PRH1: variants seen among roughly 807,000 people sequenced by gnomAD.
PRH1 encodes proline rich protein HaeIII subfamily 1.
PRH1 carries 7 observed loss-of-function variants against 7.9 expected under a neutral mutation model. The ratio of observed to expected loss-of-function variants is 0.89; its 90% confidence interval spans 0.50 to 1.67. The LOEUF (loss-of-function observed/expected upper bound fraction) is 1.67. Among genes scored for constraint, PRH1 ranks in the 40% most tolerant of loss-of-function variants. The probability of loss-of-function intolerance (pLI) is 0.00; values close to 1 mark genes in which losing one functional copy is unlikely to be tolerated. For missense variants in PRH1, 109 were observed against 223.6 expected (o/e 0.49, Z 3.27); for synonymous variants, 45 against 80.8 (o/e 0.56, Z 2.38).
upstream of PRH1, chr12:11,049,265 AAATG>A (rs1246496403): frequency 0.013 from 9,423 of 733,478 alleles, no homozygotes; most frequent in Non-Finnish European, 0.014. Context: ...ATGTTTGAAC[AAATG>A]AAAAGAAAGA....
At chr12:10,980,940 T>C (rs949289048) in intron 1 of PRH1, among the ~76,000 whole-genome samples, 14 of 152,334 alleles carry the variant, frequency 9.2e-5, no homozygotes, top group Middle Eastern at 3.4e-3. Flanking sequence ...AACAGCCTTA[T>C]TGAAATGGGT....
intron 2 of PRH1, chr12:10,896,722 A>ACT (rs1189615024): frequency 6.8e-6 from 1 of 146,216 alleles, no homozygotes. Context: ...AGATCACACT[A>ACT]CTGCACTCCA....
chr12:11,115,480 A>T (rs1295002935), intron 1 of PRH1, among the ~76,000 whole-genome samples: 2 of 152,206 alleles, frequency 1.3e-5, no homozygotes, highest in Admixed American at 1.3e-4. Flanking sequence ...TTTCAGCATC[A>T]GACAGATCCT....
At chr12:10,976,944 G>C (rs1351376802) in intron 1 of PRH1, among the ~76,000 whole-genome samples, 1 of 151,954 alleles carries the variant, frequency 6.6e-6, no homozygotes, top group Non-Finnish European at 1.5e-5. Context: ...ACCAAAAAAA[G>C]CCCAGGACCA....
chr12:10,975,114 G>A (rs980522887), intron 1 of PRH1, among the ~76,000 whole-genome samples: 1 of 152,022 alleles, frequency 6.6e-6, no homozygotes, highest in African/African-American at 2.4e-5. Flanking sequence ...AAGGCACATA[G>A]TCATCAGCTT....
At chr12:10,967,360 C>G (rs1938557529) in intron 2 of PRH1, among the ~76,000 whole-genome samples, 1 of 152,090 alleles carries the variant, frequency 6.6e-6, no homozygotes, top group Admixed American at 6.6e-5. Context: ...ATAATGCACA[C>G]TTAGAAATGA....
chr12:11,022,129 G>T, intron 1 of PRH1: 1 of 1,613,820 alleles, frequency 6.2e-7, no homozygotes, highest in Non-Finnish European at 8.5e-7. Context: ...CTCATCCATG[G>T]TTATCACAGC....
chr12:10,938,262 A>T, intron 2 of PRH1: 3 of 1,581,460 alleles, frequency 1.9e-6, no homozygotes, highest in Non-Finnish European at 2.6e-6. Flanking sequence ...ATTCAAGATG[A>T]TTCTCTAAAT....
chr12:11,009,812 T>C (rs73053785), intron 1 of PRH1, among the ~76,000 whole-genome samples: 19,582 of 151,944 alleles, frequency 0.13, 1,398 homozygotes, highest in Non-Finnish European at 0.15. Flanking sequence ...GCAATTCCAA[T>C]AAATAAAAAA....
At chr12:11,126,228 C>T (rs1946123830) in intron 1 of PRH1, among the ~76,000 whole-genome samples, 1 of 152,252 alleles carries the variant, frequency 6.6e-6, no homozygotes, top group Non-Finnish European at 1.5e-5. Context: ...CTTTTGTTTC[C>T]TCCGTCCCTA....
chr12:11,126,552 T>A (rs1045146527), intron 1 of PRH1, among the ~76,000 whole-genome samples: 1 of 152,218 alleles, frequency 6.6e-6, no homozygotes, highest in African/African-American at 2.4e-5. Flanking sequence ...ACTTGTCAAC[T>A]TTAGCAATTA....
At chr12:10,908,819 T>A (rs894927278) in intron 2 of PRH1, 7 of 1,613,824 alleles carry the variant, frequency 4.3e-6, no homozygotes, top group Admixed American at 1.7e-5. Context: ...TTGTGTTTCT[T>A]TCATATCGGT....
intron 2 of PRH1, among the ~76,000 whole-genome samples, chr12:10,907,272 T>A (rs1949817922): frequency 6.6e-6 from 1 of 152,174 alleles, no homozygotes; most frequent in South Asian, 2.1e-4. Flanking sequence ...AAATTGTATA[T>A]CCAGAAGAAG....
At chr12:10,962,907 C>T (rs1938313870) in intron 2 of PRH1, among the ~76,000 whole-genome samples, 1 of 152,160 alleles carries the variant, frequency 6.6e-6, no homozygotes, top group African/African-American at 2.4e-5. Context: ...GTAGCTGGGA[C>T]TACAGGCTCC....
intron 1 of PRH1, chr12:11,031,542 G>A (rs1591849070): frequency 1.8e-6 from 1 of 550,614 alleles, no homozygotes; most frequent in East Asian, 3.2e-5. Flanking sequence ...CTTCCACCGG[G>A]AGGAAGGCGA....
intron 1 of PRH1, among the ~76,000 whole-genome samples, chr12:11,157,081 C>T (rs142547027): frequency 1.3e-4 from 20 of 152,086 alleles, no homozygotes; most frequent in African/African-American, 4.6e-4. Context: ...CTCCTGACCT[C>T]GTGATCTGCC....
At chr12:10,934,590 T>C (rs1239953228) in intron 2 of PRH1, among the ~76,000 whole-genome samples, 2 of 151,582 alleles carry the variant, frequency 1.3e-5, no homozygotes, top group Non-Finnish European at 2.9e-5. Context: ...TACATACTTA[T>C]TAATTGGATG....
At chr12:11,155,989 C>A (rs181474797) in intron 1 of PRH1, among the ~76,000 whole-genome samples, 2 of 152,142 alleles carry the variant, frequency 1.3e-5, no homozygotes, top group Non-Finnish European at 2.9e-5. Flanking sequence ...TTATTCATTA[C>A]CTCTTTTAAC....
At chr12:11,107,058 G>A (rs1945444358) in intron 1 of PRH1, among the ~76,000 whole-genome samples, 1 of 152,094 alleles carries the variant, frequency 6.6e-6, no homozygotes, top group Non-Finnish European at 1.5e-5. Context: ...CACCCAGGCT[G>A]GAGTGCAATG....
Sources: gnomAD v4.1 joint callset for allele counts (sites outside exome capture counted in the v4.1 genomes callset) on GRCh38, gnomAD v4.1.1 for gene constraint, MANE v1.5 for transcripts, NCBI Gene and HGNC (gene_info 2026-07-23, HGNC 2026-07-21) for gene names.